The following FSTL4 variants were observed in gnomAD, a reference collection of about 807,000 sequenced individuals.
FSTL4 encodes the protein follistatin like 4.
FSTL4 carries 28 observed loss-of-function variants against 78.2 expected under a neutral mutation model. That is an observed-to-expected ratio of 0.36 (90% CI 0.27 to 0.49). The LOEUF (loss-of-function observed/expected upper bound fraction) is 0.49. Among genes scored for constraint, FSTL4 ranks in the 20% least tolerant of loss-of-function variants. The pLI is 0.98. For synonymous variants in FSTL4, 422 were observed against 440.5 expected, an observed-to-expected ratio of 0.96 and a Z score of 0.53; for missense variants, 922 against 1,084.9, an observed-to-expected ratio of 0.85 and a Z score of 2.11.
the FSTL4 span, among the ~76,000 whole-genome samples, chr5:133,688,938 G>T: frequency 6.6e-6 from 1 of 152,180 alleles, no homozygotes; most frequent in African/African-American, 2.4e-5. Flanking sequence ...CACACGACTT[G>T]GTCCTTTAGC....
At chr5:133,721,231 A>T in the FSTL4 span, among the ~76,000 whole-genome samples, 2 of 152,210 alleles carry the variant, frequency 1.3e-5, no homozygotes, top group East Asian at 3.8e-4. Flanking sequence ...TATATTGTAT[A>T]TTCTTTAACA....
the FSTL4 span, among the ~76,000 whole-genome samples, chr5:133,825,031 G>A: frequency 6.6e-6 from 1 of 152,186 alleles, no homozygotes; most frequent in African/African-American, 2.4e-5. Context: ...CACAGGGCAA[G>A]AGTCCGTGGT....
At chr5:133,486,620 G>A (rs953955557) in intron 3 of FSTL4, among the ~76,000 whole-genome samples, 2 of 152,080 alleles carry the variant, frequency 1.3e-5, no homozygotes, top group African/African-American at 4.8e-5. Context: ...CTTGTGCTAA[G>A]AAAGCCAAAA....
chr5:133,207,718 A>ACCTT, intron 14 of FSTL4: 1 of 150,804 alleles, frequency 6.6e-6, no homozygotes, highest in Non-Finnish European at 1.5e-5. Context: ...ATCTCGGCTC[A>ACCTT]CTGCAGCCTC....
At chr5:133,524,170 G>A (rs530346506) in intron 3 of FSTL4, among the ~76,000 whole-genome samples, 6 of 152,222 alleles carry the variant, frequency 3.9e-5, no homozygotes, top group Non-Finnish European at 8.8e-5. Flanking sequence ...ACAGGTCAGC[G>A]TGTCTGGAGC....
chr5:133,580,748 C>G (rs1580802578), intron 2 of FSTL4, among the ~76,000 whole-genome samples: 1 of 152,242 alleles, frequency 6.6e-6, no homozygotes, highest in Non-Finnish European at 1.5e-5. Flanking sequence ...TCTCTCTTCA[C>G]TGTCATCTCC....
chr5:133,203,157 C>T (rs962774703), intron 14 of FSTL4, among the ~76,000 whole-genome samples: 9 of 152,318 alleles, frequency 5.9e-5, no homozygotes, highest in East Asian at 3.9e-4. Flanking sequence ...TTACAGGCCC[C>T]GAGAAGCCCA....
chr5:133,551,523 G>A (rs1307569982), intron 3 of FSTL4, among the ~76,000 whole-genome samples: 2 of 152,146 alleles, frequency 1.3e-5, no homozygotes, highest in Non-Finnish European at 2.9e-5. Context: ...CCAAGCTCTA[G>A]AACACTTCGG....
chr5:133,663,816 C>A, the FSTL4 span, among the ~76,000 whole-genome samples: 1 of 152,218 alleles, frequency 6.6e-6, no homozygotes, highest in Admixed American at 6.5e-5. Flanking sequence ...GTCCTCAGAC[C>A]AGGGCCTTTG....
intron 15 of FSTL4, among the ~76,000 whole-genome samples, 182 bp downstream of exon 15, chr5:133,201,751 A>G (rs1429439637): frequency 6.6e-6 from 1 of 152,214 alleles, no homozygotes; most frequent in African/African-American, 2.4e-5. Context: ...ACCCCAAGCA[A>G]TGAGGACTAG....
chr5:133,370,589 A>G (rs924337016), intron 4 of FSTL4, among the ~76,000 whole-genome samples: 1 of 152,036 alleles, frequency 6.6e-6, no homozygotes, highest in Non-Finnish European at 1.5e-5. Context: ...GAGTTGTGTG[A>G]GGACAGGCTC....
At chr5:133,544,793 G>A (rs1340004678) in intron 3 of FSTL4, among the ~76,000 whole-genome samples, 1 of 152,180 alleles carries the variant, frequency 6.6e-6, no homozygotes, top group Non-Finnish European at 1.5e-5. Flanking sequence ...TAAATCCTAA[G>A]CTGTAGGAAC....
the FSTL4 span, among the ~76,000 whole-genome samples, chr5:133,742,685 C>T: frequency 6.6e-6 from 1 of 152,118 alleles, no homozygotes; most frequent in Non-Finnish European, 1.5e-5. Context: ...AGATAATAGG[C>T]AGAACAAGCT....
At chr5:133,231,465 C>T (rs1253559475) in intron 8 of FSTL4, among the ~76,000 whole-genome samples, 1 of 152,026 alleles carries the variant, frequency 6.6e-6, no homozygotes, top group East Asian at 1.9e-4. Context: ...TTCCTTTGGC[C>T]CTGATATCCT....
intron 4 of FSTL4, among the ~76,000 whole-genome samples, chr5:133,337,383 G>A (rs1237768757): frequency 2.0e-5 from 3 of 152,234 alleles, no homozygotes; most frequent in Non-Finnish European, 4.4e-5. Context: ...AAATGCAGAT[G>A]AGGTAGAACT....
At chr5:133,547,197 T>TA (rs1759594674) in intron 3 of FSTL4, among the ~76,000 whole-genome samples, 1 of 152,090 alleles carries the variant, frequency 6.6e-6, no homozygotes, top group South Asian at 2.1e-4. Context: ...GCTTTGGACT[T>TA]ACTTGGGGCC....
At chr5:133,824,156 T>C in the FSTL4 span, among the ~76,000 whole-genome samples, 6 of 152,340 alleles carry the variant, frequency 3.9e-5, no homozygotes, top group African/African-American at 1.4e-4. Context: ...TGTCCTCTTC[T>C]TCAATTCAGT....
At chr5:133,445,969 T>C (rs2127006370) in intron 3 of FSTL4, among the ~76,000 whole-genome samples, 1 of 152,352 alleles carries the variant, frequency 6.6e-6, no homozygotes, top group South Asian at 2.1e-4. Context: ...CAGTTCTTTT[T>C]AATGGATACT....
At chr5:133,751,736 C>G in the FSTL4 span, among the ~76,000 whole-genome samples, 1 of 152,290 alleles carries the variant, frequency 6.6e-6, no homozygotes, top group East Asian at 1.9e-4. Context: ...TAGACTGCAC[C>G]TAGAATAAAT....
Sources: gnomAD v4.1 joint callset for allele counts (sites outside exome capture counted in the v4.1 genomes callset) on GRCh38, gnomAD v4.1.1 for gene constraint, MANE v1.5 for transcripts, NCBI Gene and HGNC (gene_info 2026-07-23, HGNC 2026-07-21) for gene names.